The following IL1RAPL2 variants were observed in gnomAD, a reference collection of about 807,000 sequenced individuals.
IL1RAPL2 encodes the protein X-linked interleukin-1 receptor accessory protein-like 2.
In IL1RAPL2, 3 loss-of-function variants were observed where a neutral mutation model predicts 44.1. That is an observed-to-expected ratio of 0.07 (90% confidence interval 0.03 to 0.18). IL1RAPL2 has a LOEUF of 0.18. IL1RAPL2 is among the 10% of genes least tolerant of loss of function. The pLI, the probability that IL1RAPL2 is intolerant of heterozygous loss-of-function variation, is 1.00. For missense variants in IL1RAPL2, 391 were observed against 496.4 expected (o/e 0.79, Z 2.02); for synonymous variants, 181 against 178.8 (o/e 1.01, Z -0.10).
At chrX:104,670,307 G>A (rs1930569278) in intron 2 of IL1RAPL2, among the ~76,000 whole-genome samples, 1 of 111,635 alleles carries the variant, frequency 9.0e-6, no homozygotes, top group Non-Finnish European at 1.9e-5. Flanking sequence ...AGAGTGGGAA[G>A]CATCCAGCAA....
chrX:104,894,202 T>A (rs1290594653), intron 2 of IL1RAPL2, among the ~76,000 whole-genome samples: 1 of 111,864 alleles, frequency 8.9e-6, no homozygotes, highest in East Asian at 2.8e-4. Context: ...CCTTTCTCTC[T>A]GGCTGCCCTT....
chrX:105,116,991 C>T (rs1408830362), intron 2 of IL1RAPL2, among the ~76,000 whole-genome samples: 1 of 112,282 alleles, frequency 8.9e-6, no homozygotes, highest in Non-Finnish European at 1.9e-5. Context: ...CAATCTAGTA[C>T]AATGAAATCT....
At chrX:105,503,844 T>A (rs1477142039) in intron 6 of IL1RAPL2, among the ~76,000 whole-genome samples, 1 of 111,909 alleles carries the variant, frequency 8.9e-6, no homozygotes, top group African/African-American at 3.2e-5. Context: ...CACTCAGATC[T>A]TCGTCATCAC....
chrX:105,461,928 G>A (rs2036095548), intron 5 of IL1RAPL2, among the ~76,000 whole-genome samples: 1 of 110,643 alleles, frequency 9.0e-6, no homozygotes, highest in South Asian at 3.8e-4. Context: ...TTTGTAAATT[G>A]GTATAGTGCA....
intron 5 of IL1RAPL2, among the ~76,000 whole-genome samples, chrX:105,478,881 A>G (rs1166488603): frequency 8.9e-6 from 1 of 111,992 alleles, no homozygotes; most frequent in Non-Finnish European, 1.9e-5. Flanking sequence ...GCTGAATTAT[A>G]TGAGACATGA....
chrX:105,704,917 A>G, intron 6 of IL1RAPL2, among the ~76,000 whole-genome samples: 1 of 111,335 alleles, frequency 9.0e-6, no homozygotes, highest in Non-Finnish European at 1.9e-5. Flanking sequence ...GTTTTACTAT[A>G]TACCATGTAA....
rs755055690 is a variant in IL1RAPL2, at chrX:104,673,369, G to A, written c.82+14374G>A. The stretch of plus-strand genomic sequence containing the variant: ...TTAAATAGGGAATCCTTTCCCCATT[G>A]CTTGTTTTTCTCAGTTTTGTCAAAG... On this transcript the variant is annotated intron_variant, in intron 2 of 10. Transcript: ENST00000372582. 8.4e-3 allele frequency among the ~76,000 whole-genome samples: 935 copies of A among 111,100 alleles called. 9 individuals carry two copies. Among genetic ancestry groups the A allele is most frequent in the Non-Finnish European group, 0.012 (644 of 52,961 alleles).
intron 2 of IL1RAPL2, among the ~76,000 whole-genome samples, chrX:104,990,050 C>T (rs2147731420): frequency 8.9e-6 from 1 of 111,818 alleles, no homozygotes; most frequent in East Asian, 2.8e-4. Flanking sequence ...TCTTGACTAT[C>T]GTTTGTGTTA....
chrX:105,470,537 A>T (rs1415376291), intron 5 of IL1RAPL2, among the ~76,000 whole-genome samples: 1 of 111,938 alleles, frequency 8.9e-6, no homozygotes, highest in Non-Finnish European at 1.9e-5. Flanking sequence ...TTTGCTTTGC[A>T]GCAAAATTGA....
chrX:105,111,276 A>T (rs2040625718), intron 2 of IL1RAPL2, among the ~76,000 whole-genome samples: 1 of 111,929 alleles, frequency 8.9e-6, no homozygotes, highest in African/African-American at 3.3e-5. Context: ...AACATTTTCC[A>T]TGTTTTTCTA....
intron 1 of IL1RAPL2, among the ~76,000 whole-genome samples, chrX:104,616,486 A>C (rs1220426138): frequency 8.9e-6 from 1 of 112,107 alleles, no homozygotes; most frequent in African/African-American, 3.2e-5. Context: ...TTGTAGGACT[A>C]ACATTAGCCA....
At chrX:104,735,836 TGTTA>T (rs1932003711) in intron 2 of IL1RAPL2, among the ~76,000 whole-genome samples, 1 of 111,559 alleles carries the variant, frequency 9.0e-6, no homozygotes, top group Non-Finnish European at 1.9e-5. Context: ...TGATACACGA[TGTTA>T]GTTATCATTG....
chrX:105,161,105 G>A (rs1004372531), intron 2 of IL1RAPL2, among the ~76,000 whole-genome samples: 10 of 110,392 alleles, frequency 9.1e-5, no homozygotes, highest in Admixed American at 1.9e-4. Flanking sequence ...AGCTGTGCAT[G>A]GGAGCATGTG....
intron 2 of IL1RAPL2, among the ~76,000 whole-genome samples, chrX:105,159,982 A>ACCCC (rs200123489): frequency 1.2e-4 from 9 of 72,996 alleles, no homozygotes; most frequent in South Asian, 9.2e-4. Flanking sequence ...GACTTAAAGA[A>ACCCC]CCCCCCCCCC....
chrX:104,701,217 G>A (rs1486653838), intron 2 of IL1RAPL2, among the ~76,000 whole-genome samples: 1 of 112,019 alleles, frequency 8.9e-6, no homozygotes, highest in Non-Finnish European at 1.9e-5. Flanking sequence ...AAGGCACTGT[G>A]TTGAATGCTC....
At chrX:105,117,078 A>G (rs866149430) in intron 2 of IL1RAPL2, among the ~76,000 whole-genome samples, 6 of 112,308 alleles carry the variant, frequency 5.3e-5, no homozygotes, top group Non-Finnish European at 1.1e-4. Flanking sequence ...ATTACTGTGT[A>G]TTTTTGGTGT....
intron 3 of IL1RAPL2, among the ~76,000 whole-genome samples, chrX:105,198,177 T>A (rs782442146): frequency 8.9e-6 from 1 of 112,137 alleles, no homozygotes; most frequent in African/African-American, 3.2e-5. Context: ...ATTCCATGTT[T>A]TTGCTATTGT....
At chrX:104,585,713 A>G (rs1386359797) in intron 1 of IL1RAPL2, among the ~76,000 whole-genome samples, 4 of 108,185 alleles carry the variant, frequency 3.7e-5, no homozygotes, top group African/African-American at 1.0e-4. Flanking sequence ...CTGTTCCTGC[A>G]TTAGTTTACT....
At chrX:105,670,105 G>GCATATATATATA (rs1255183400) in intron 6 of IL1RAPL2, among the ~76,000 whole-genome samples, 4 of 11,686 alleles carry the variant, frequency 3.4e-4, no homozygotes, top group Admixed American at 1.1e-3. Context: ...TGGGTTTCCT[G>GCATATATATATA]TATATATATA....
Sources: allele counts gnomAD v4.1 joint callset (sites outside exome capture counted in the v4.1 genomes callset), GRCh38; gene constraint gnomAD v4.1.1; transcripts MANE v1.5; gene names NCBI Gene and HGNC (gene_info 2026-07-23, HGNC 2026-07-21).